IK: variants seen among roughly 807,000 people sequenced by gnomAD.
IK encodes protein Red.
Under a neutral mutation model 90.9 loss-of-function variants are expected in IK, and 47 were observed. The ratio of observed to expected loss-of-function variants is 0.52; its 90% CI spans 0.41 to 0.66. The LOEUF (loss-of-function observed/expected upper bound fraction) is 0.66. Among genes scored for constraint, IK ranks in the 30% least tolerant of loss-of-function variants. The pLI, the probability that IK is intolerant of heterozygous loss-of-function variation, is 0.00. For synonymous variants in IK, 201 were observed against 227.5 expected (o/e 0.88, Z 1.05); for missense variants, 385 against 709.3 (o/e 0.54, Z 5.19).
chr5:140,654,178 C>T lies in IK; in HGVS notation c.519+126C>T, dbSNP rs950474450. ...GTAGAAGAAGGGCTAAAGATGGCCC[C>T]TCTGAAAAGCTGATTGCTACTCATC... On this transcript the variant is annotated intron_variant, in intron 6 of 19. Transcript: ENST00000417647. 6.5e-5 allele frequency: 42 copies of T among 648,334 alleles called. 1 individual carries two copies. The highest frequency in any genetic ancestry group is 2.5e-4 in the Middle Eastern group (1 of 4,008). The allele number at this position is 648,334 out of a possible 1,614,324, so 40.2% of individuals were successfully genotyped here. A position where few individuals can be genotyped will look rare whatever the true frequency, so the allele number is the denominator to read the frequency against.
At position 140,655,573 on chromosome 5, in the gene IK, T is replaced by C. The variant is rs372417478; in HGVS notation, c.638-256T>C. Among the ~76,000 whole-genome samples, 22 of 152,342 alleles carry C rather than the reference T, an allele frequency of 1.4e-4. 1 individual carries two copies. The South Asian group carries it at 4.6e-3, about 32-fold the overall frequency. ...GAAGAGTGGACAGGAGCCCAGGCTT[T>C]GGAGTTACATGGCCTGGTTCCATTC... On this transcript the variant is annotated intron_variant, in intron 8 of 19. Transcript: ENST00000417647.
chr5:140,649,375 A>AT (rs58005216), intron 2 of IK, among the ~76,000 whole-genome samples: 57,526 of 145,766 alleles, frequency 0.39, 11,477 homozygotes, highest in East Asian at 0.47. Context: ...TGCACGACTG[A>AT]TTTTTTTTTT....
chr5:140,659,697 G>C, intron 13 of IK, 59 bp from the exon 14 acceptor site: 1 of 1,073,144 alleles, frequency 9.3e-7, no homozygotes, highest in Non-Finnish European at 1.4e-6. Flanking sequence ...AGTGTGTTGT[G>C]GGGAGGAGGT....
chr5:140,660,084 C>T (rs1242881166), intron 14 of IK, 31 bp from the exon 15 acceptor site: 1 of 1,583,930 alleles, frequency 6.3e-7, no homozygotes. Flanking sequence ...TAGGTAGAAT[C>T]CTGTGTAGTG....
intron 13 of IK, 47 bp from the exon 14 acceptor site, chr5:140,659,709 G>C (rs1424751046): frequency 2.4e-6 from 3 of 1,228,236 alleles, no homozygotes; most frequent in Non-Finnish European, 3.5e-6. Context: ...GGAGGAGGTT[G>C]TGAGAGCCTC....
At position 140,659,084 on chromosome 5, in the gene IK, C is replaced by G. The variant is rs756590607; in HGVS notation, c.1096C>G (p.Arg366Gly). ...GCGAGAGCGAGAACGAGATCGGGAACGAGAGCGAGAGCGGGACCGAGAGAG... is the reference window on the plus strand; with the variant it reads ...GCGAGAGCGAGAACGAGATCGGGAAGGAGAGCGAGAGCGGGACCGAGAGAG... The part of the protein sequence containing the change: ...RERERERDRE[R>G]ERERDREREE... The change falls in exon 12 of 20, where the codon CGA becomes GGA. Residue 366 changes from arginine to glycine, a missense_variant. Physicochemically the swap from Arg to Gly is moderately radical, Grantham distance 125. This residue lies in a region of IK where 139 missense variants were observed against 172.0 expected (regional missense o/e 0.81). Coordinates refer to ENST00000417647, the MANE Select transcript of IK (RefSeq NM_006083.4). 6.2e-7 allele frequency: 1 copy of G among 1,612,492 alleles called. No individual in the cohort carries two copies. The highest frequency in any genetic ancestry group is 8.5e-7 in the Non-Finnish European group (1 of 1,179,022).
rs773013615 is a variant in IK at position 140,653,992 on chromosome 5, G to A, written c.459G>A (p.Leu153=). Residue 153 remains leucine, a synonymous_variant, in exon 6 of 20, where the codon TTG becomes TTA. Coordinates refer to ENST00000417647, the MANE Select transcript of IK (RefSeq NM_006083.4). ...RRQLIQESKF[L]GGDMEHTHLV... is the part of the protein sequence containing the mutation. ...AGTTGATCCAGGAGTCCAAATTCTT[G>A]GGTGGTGACATGGAACACACCCATT... The A allele has an allele frequency of 6.2e-7, 1 of 1,613,204 alleles. No homozygotes were observed. Among genetic ancestry groups the A allele is most frequent in the Non-Finnish European group, 8.5e-7 (1 of 1,179,300 alleles).
intron 2 of IK, among the ~76,000 whole-genome samples, chr5:140,649,466 C>T (rs1055812185): frequency 6.6e-6 from 1 of 152,004 alleles, no homozygotes; most frequent in African/African-American, 2.4e-5. Flanking sequence ...CCACCCGCCT[C>T]AGCCTCCTAA....
chr5:140,659,987 G>A (rs1757774292), intron 14 of IK, 128 bp from the exon 15 acceptor site: 2 of 942,560 alleles, frequency 2.1e-6, no homozygotes, highest in Admixed American at 2.1e-5. Flanking sequence ...CCTTCCCAGA[G>A]CACCCATAAC....
In IK at chr5:140,660,473, T is replaced by C. The variant is rs574524794; in HGVS notation, c.1355+278T>C. On this transcript the variant is annotated intron_variant, in intron 15 of 19. Transcript: ENST00000417647. ...TCACCACACCTGGCTAGTTTTTGTA[T>C]TTTTAGTAGAGATGAGGTTTCACCA... is the stretch of plus-strand genomic sequence containing the variant. The C allele has an allele frequency of 3.0e-5, 16 of 536,556 alleles. 1 individual carries two copies. Among genetic ancestry groups the C allele is most frequent in the South Asian group, 1.5e-4 (6 of 40,618 alleles). The allele number at this position is 536,556 out of a possible 1,614,324, so 33.2% of individuals were successfully genotyped here.
intron 9 of IK, 27 bp from the exon 10 acceptor site, chr5:140,657,527 A>G (rs1757731874): frequency 1.4e-6 from 2 of 1,481,178 alleles, no homozygotes; most frequent in Non-Finnish European, 1.9e-6. Context: ...TGAGTGGTTT[A>G]ACATTCTTGT....
Position 140,661,107 on chromosome 5 carries a change from G to A in IK, c.1413+292G>A. On this transcript the variant is annotated intron_variant, in intron 16 of 19. Coordinates refer to ENST00000417647, the MANE Select transcript of IK (RefSeq NM_006083.4). This position sits in a 1 kb window ranked among gnomAD's most constrained non-coding sequence, Gnocchi z 4.2. ...AAGCATCAATGCATAAGTAGAAAGG[G>A]CAGAAAAAATTGCAGTCTTTGGAAA... is the stretch of plus-strand genomic sequence containing the variant. 2.7e-6 allele frequency: 1 copy of A among 370,462 alleles called. No individual in the cohort carries two copies. Among genetic ancestry groups the A allele is most frequent in the Non-Finnish European group, 4.8e-6 (1 of 208,240 alleles). The allele number at this position is 370,462 out of a possible 1,614,324, so 22.9% of individuals were successfully genotyped here.
chr5:140,658,127 GTAGGCACTA>G lies in IK; in HGVS notation c.910+482_910+490del, dbSNP rs544442683. Among the ~76,000 whole-genome samples the G allele has an allele frequency of 3.8e-3, 584 of 151,998 alleles. 3 individuals carry two copies. Among genetic ancestry groups the G allele is most frequent in the South Asian group, 0.027 (129 of 4,814 alleles). ...CGATTCTTCTGCCTCAGCCTCCCAAGTAGGCACTATAGGCACTATAGGCACGCATCACCA... is the reference window on the plus strand; with the variant it reads ...CGATTCTTCTGCCTCAGCCTCCCAAGTAGGCACTATAGGCACGCATCACCA... On this transcript the variant is annotated intron_variant, in intron 10 of 19. Coordinates refer to ENST00000417647, the MANE Select transcript of IK (RefSeq NM_006083.4).
rs1757641112 is a variant in IK, at chr5:140,652,993, C to T, written c.253C>T (p.Arg85Cys). The change falls in exon 5 of 20, where the codon CGC becomes TGC. Residue 85 changes from arginine to cysteine, a missense_variant. Around this residue, in one of 8 missense-constraint regions of IK, gnomAD observed 64 missense variants for 144.6 expected, o/e 0.44. Coordinates refer to ENST00000417647, the MANE Select transcript of IK (RefSeq NM_006083.4). Reference protein sequence around the residue: ...RKKKSYYAKLRQQEIEREREL... With the variant: ...RKKKSYYAKLCQQEIEREREL... ...TGGTCACAGTTATTATGCCAAGCTACGCCAACAAGAAATTGAGAGAGAGAG... is the reference window on the plus strand; with the variant it reads ...TGGTCACAGTTATTATGCCAAGCTATGCCAACAAGAAATTGAGAGAGAGAG... The T allele has an allele frequency of 5.0e-6, 8 of 1,613,562 alleles. No homozygotes were observed. Among genetic ancestry groups the T allele is most frequent in the Middle Eastern group, 1.7e-4 (1 of 5,824 alleles).
intron 5 of IK, among the ~76,000 whole-genome samples, chr5:140,653,630 G>T (rs1454338831): frequency 8.6e-6 from 1 of 116,030 alleles, no homozygotes; most frequent in Non-Finnish European, 1.7e-5. Flanking sequence ...TGGAGACAGA[G>T]TCTTGCTCTT....
chr5:140,649,403 CA>C (rs770665985), intron 2 of IK, among the ~76,000 whole-genome samples: 1 of 148,498 alleles, frequency 6.7e-6, no homozygotes, highest in Non-Finnish European at 1.5e-5. Context: ...TTAGTAGAGA[CA>C]GGGTTTCACT....
At chr5:140,660,451 C>T in intron 15 of IK, 1 of 541,982 alleles carries the variant, frequency 1.8e-6, no homozygotes, top group Non-Finnish European at 3.3e-6. Flanking sequence ...GCATGCATCA[C>T]CACACCTGGC....
In IK at chr5:140,654,745, A is replaced by G. The variant is rs371019524; in HGVS notation, c.637+18A>G. On this transcript the variant is annotated intron_variant, in intron 8 of 19. Transcript: ENST00000417647. ...ACGTCTGGGTGAGTACAGTTTCTAT[A>G]CTAGTGACTATGCATTCTGGATGAA... is the stretch of plus-strand genomic sequence containing the variant. 36 of 1,496,456 alleles carry G rather than the reference A, an allele frequency of 2.4e-5. No individual in the cohort carries two copies. In the African/African-American group the frequency reaches 3.0e-4, roughly 13 times the overall value. 92.7% of individuals were successfully genotyped at this position (1,496,456 alleles called of 1,614,324 possible).
At position 140,658,719 on chromosome 5, in the gene IK, CCT is replaced by C. The variant is rs1757749299; in HGVS notation, c.911-13_911-12del. The C allele has an allele frequency of 2.5e-6, 4 of 1,597,806 alleles. No homozygotes were observed. Among genetic ancestry groups the C allele is most frequent in the Non-Finnish European group, 3.4e-6 (4 of 1,169,514 alleles). ...TTAACTGAGGAGTATGTTCCTGACT[CCT>C]CTCTTTAAATTTCAGGGAAGCTGGA... On this transcript the variant is annotated splice_polypyrimidine_tract_variant and intron_variant, in intron 10 of 19. Transcript: ENST00000417647.
Sources: gnomAD v4.1 joint callset for allele counts (sites outside exome capture counted in the v4.1 genomes callset) on GRCh38, gnomAD v4.1.1 for gene constraint, gnomAD v4.1.1 regional missense constraint, Gnocchi (gnomAD v3.1) non-coding constraint, MANE v1.5 for transcripts, NCBI Gene and HGNC (gene_info 2026-07-23, HGNC 2026-07-21) for gene names.